The following GLIS1 variants were observed in gnomAD, a reference collection of about 807,000 sequenced individuals.
GLIS1 encodes the protein zinc finger protein GLIS1.
GLIS1 carries 24 observed loss-of-function variants against 63.8 expected under a neutral mutation model. The ratio of observed to expected loss-of-function variants is 0.38; its 90% CI spans 0.27 to 0.53. GLIS1 has a LOEUF of 0.53. GLIS1 is among the 20% of genes least tolerant of loss of function. The pLI, the probability that GLIS1 is intolerant of heterozygous loss-of-function variation, is 0.85. For missense variants in GLIS1, 1,036 were observed against 1,074.1 expected, an observed-to-expected ratio of 0.96 and a Z score of 0.50; for synonymous variants, 450 against 482.5, an observed-to-expected ratio of 0.93 and a Z score of 0.88.
chr1:53,670,585 C>T (rs925928594), intron 2 of GLIS1, among the ~76,000 whole-genome samples: 2 of 152,224 alleles, frequency 1.3e-5, no homozygotes, highest in African/African-American at 2.4e-5. Flanking sequence ...ACACCAGCCA[C>T]ATGAAATTCC....
At chr1:53,718,622 A>T (rs899847228) in intron 2 of GLIS1, among the ~76,000 whole-genome samples, 1 of 152,060 alleles carries the variant, frequency 6.6e-6, no homozygotes, top group African/African-American at 2.4e-5. Context: ...CTACAGAAAC[A>T]GCTTTACCAT....
intron 3 of GLIS1, 48 bp downstream of exon 3, chr1:53,600,053 C>A (rs1053562631): frequency 9.2e-7 from 1 of 1,091,330 alleles, no homozygotes; most frequent in South Asian, 4.6e-5. Context: ...GGCCCATGGT[C>A]CTGGGGCCTC....
chr1:53,597,765 C>T (rs1159776576), intron 3 of GLIS1, among the ~76,000 whole-genome samples: 1 of 152,070 alleles, frequency 6.6e-6, no homozygotes, highest in Non-Finnish European at 1.5e-5. Context: ...AGCTCAAATT[C>T]AACCACTTTA....
chr1:53,713,386 T>C (rs1287226191), intron 2 of GLIS1, among the ~76,000 whole-genome samples: 2 of 127,300 alleles, frequency 1.6e-5, no homozygotes, highest in East Asian at 4.7e-4. Context: ...TGGTGAGACC[T>C]CATCTCTTCA....
At chr1:53,586,857 AG>A (rs1462707886) in intron 4 of GLIS1, among the ~76,000 whole-genome samples, 1 of 152,210 alleles carries the variant, frequency 6.6e-6, no homozygotes, top group Non-Finnish European at 1.5e-5. Flanking sequence ...AGATAATCAC[AG>A]GGCAGAGCCT....
intron 4 of GLIS1, among the ~76,000 whole-genome samples, chr1:53,568,563 T>G (rs1340701023): frequency 2.0e-5 from 3 of 152,140 alleles, no homozygotes; most frequent in Non-Finnish European, 4.4e-5. Flanking sequence ...TTTGGCTCTG[T>G]GTCCCCACCC....
At chr1:53,644,298 G>A (rs1645818777) in intron 2 of GLIS1, among the ~76,000 whole-genome samples, 1 of 152,152 alleles carries the variant, frequency 6.6e-6, no homozygotes, top group Non-Finnish European at 1.5e-5. Context: ...ACTCTGCCAT[G>A]ATAAATCACT....
intron 4 of GLIS1, among the ~76,000 whole-genome samples, chr1:53,575,480 C>T (rs1203627500): frequency 6.6e-6 from 1 of 152,200 alleles, no homozygotes; most frequent in African/African-American, 2.4e-5. Flanking sequence ...TCCTTTAGCA[C>T]CTCGGTAGTT....
intron 3 of GLIS1, among the ~76,000 whole-genome samples, chr1:53,597,654 GC>G (rs909750837): frequency 2.6e-5 from 4 of 152,142 alleles, no homozygotes; most frequent in African/African-American, 9.7e-5. Flanking sequence ...CAAACACAAG[GC>G]CGTCGGGCGG....
At chr1:53,562,127 G>C (rs1259726147) in intron 4 of GLIS1, among the ~76,000 whole-genome samples, 1 of 152,228 alleles carries the variant, frequency 6.6e-6, no homozygotes, top group African/African-American at 2.4e-5. Flanking sequence ...GCACGGTTAA[G>C]GGGGCAATGC....
In GLIS1 at chr1:53,600,306, G is replaced by C. The variant is rs982330819; in HGVS notation, c.260-28C>G. 4.9e-6 allele frequency: 6 copies of C among 1,227,504 alleles called. No individual in the cohort carries two copies. The South Asian group carries it at 2.5e-4, about 51-fold the overall frequency. The allele number at this position is 1,227,504 out of a possible 1,614,324, so 76.0% of individuals were successfully genotyped here. A position where few individuals can be genotyped will look rare whatever the true frequency, so the allele number is the denominator to read the frequency against. ...AGGCAGAGAAAGACAGGGAGAGAGG[G>C]ACACAGTGAGTGGGAACAGCCTGCA... is the stretch of plus-strand genomic sequence containing the variant. On this transcript the variant is annotated intron_variant, in intron 2 of 10. Coordinates refer to ENST00000628545, the MANE Select transcript of GLIS1 (RefSeq NM_001367484.1).
chr1:53,524,610 G>C lies in GLIS1; in HGVS notation c.1593+167C>G, dbSNP rs368497842. 4.6e-5 allele frequency among the ~76,000 whole-genome samples: 7 copies of C among 152,300 alleles called. No individual in the cohort carries two copies. In the South Asian group the frequency reaches 1.2e-3, roughly 27 times the overall value. ...GGCTGCGGGTCAGCAGAGACACTAAGGGCAGGTGGGAAGTGGACGGACGGA... is the reference window on the plus strand; with the variant it reads ...GGCTGCGGGTCAGCAGAGACACTAACGGCAGGTGGGAAGTGGACGGACGGA... On this transcript the variant is annotated intron_variant, in intron 6 of 10. Coordinates refer to ENST00000628545, the MANE Select transcript of GLIS1 (RefSeq NM_001367484.1).
chr1:53,734,260 G>A (rs1298876063), intron 2 of GLIS1: 1 of 931,600 alleles, frequency 1.1e-6, no homozygotes, highest in Non-Finnish European at 1.3e-6. Context: ...CTGGTTTGGT[G>A]TGGGAACAGC....
chr1:53,609,559 G>A (rs1036883577), intron 2 of GLIS1, among the ~76,000 whole-genome samples: 10 of 152,210 alleles, frequency 6.6e-5, no homozygotes, highest in South Asian at 4.1e-4. Context: ...GTGAGCCACC[G>A]CACCCAGCCT....
chr1:53,582,221 C>G (rs1025943491), intron 4 of GLIS1, among the ~76,000 whole-genome samples: 2 of 152,206 alleles, frequency 1.3e-5, no homozygotes, highest in African/African-American at 4.8e-5. Context: ...GCTGGCAGAG[C>G]CAGGCAGTGG....
intron 4 of GLIS1, among the ~76,000 whole-genome samples, chr1:53,591,593 C>A (rs1645193650): frequency 6.6e-6 from 1 of 152,180 alleles, no homozygotes; most frequent in African/African-American, 2.4e-5. Context: ...GCTGTGTGAC[C>A]TGGGGCAAAT....
At chr1:53,669,480 C>T (rs1205336801) in intron 2 of GLIS1, among the ~76,000 whole-genome samples, 1 of 152,186 alleles carries the variant, frequency 6.6e-6, no homozygotes, top group Admixed American at 6.5e-5. Context: ...GATCTGTCAA[C>T]CAGGTAAGGC....
chr1:53,516,106 G>T (rs1240551982), intron 7 of GLIS1, among the ~76,000 whole-genome samples: 9 of 152,192 alleles, frequency 5.9e-5, no homozygotes, highest in African/African-American at 2.2e-4. Flanking sequence ...GTGACCTGGG[G>T]GCTATCCTGG....
intron 2 of GLIS1, among the ~76,000 whole-genome samples, chr1:53,670,496 G>A (rs950564740): frequency 4.6e-5 from 7 of 152,174 alleles, no homozygotes; most frequent in Non-Finnish European, 1.0e-4. Context: ...CAGTACACAG[G>A]AGGTGCTTAA....
Sources: allele counts gnomAD v4.1 joint callset (sites outside exome capture counted in the v4.1 genomes callset), GRCh38; gene constraint gnomAD v4.1.1; transcripts MANE v1.5; gene names NCBI Gene and HGNC (gene_info 2026-07-23, HGNC 2026-07-21).